The following TJP1 variants were observed in gnomAD, a reference collection of about 807,000 sequenced individuals.
TJP1 encodes tight junction protein 1.
Under a neutral mutation model 194.2 loss-of-function variants are expected in TJP1, and 43 were observed. The observed-to-expected ratio is 0.22, with a 90% CI of 0.17 to 0.29. The LOEUF (loss-of-function observed/expected upper bound fraction) is 0.29. TJP1 is among the 10% of genes least tolerant of loss of function. The probability of loss-of-function intolerance (pLI) is 1.00; values close to 1 mark genes in which losing one functional copy is unlikely to be tolerated. For missense variants in TJP1, 1,971 were observed against 2,185.7 expected, an observed-to-expected ratio of 0.90 and a Z score of 1.96; for synonymous variants, 801 against 779.0, an observed-to-expected ratio of 1.03 and a Z score of -0.47.
chr15:29,752,227 C>T (rs1415212739), intron 8 of TJP1, among the ~76,000 whole-genome samples: 1 of 151,940 alleles, frequency 6.6e-6, no homozygotes, highest in African/African-American at 2.4e-5. Context: ...CTCAGCCTTC[C>T]GAGTAGCTGG....
chr15:29,810,784 G>C (rs1390164200), intron 1 of TJP1, among the ~76,000 whole-genome samples: 2 of 152,162 alleles, frequency 1.3e-5, no homozygotes, highest in African/African-American at 4.8e-5. Flanking sequence ...GAAAGATGGA[G>C]GTGGCAAGGT....
chr15:29,759,636 C>G (rs2045870082), intron 8 of TJP1: 2 of 152,396 alleles, frequency 1.3e-5, no homozygotes, highest in Middle Eastern at 3.4e-3. Flanking sequence ...CTCCCCACCC[C>G]TAACCCCTGG....
intron 2 of TJP1, among the ~76,000 whole-genome samples, chr15:29,917,352 T>C (rs1378760711): frequency 6.6e-6 from 1 of 152,204 alleles, no homozygotes; most frequent in East Asian, 1.9e-4. Flanking sequence ...CTCACTACTA[T>C]TAAAAATACC....
rs575438439 is a variant in TJP1, at chr15:29,784,537, C to T, written c.85-11180G>A. On this transcript the variant is annotated intron_variant, in intron 2 of 27. Coordinates refer to ENST00000614355, the MANE Select transcript of TJP1 (RefSeq NM_001330239.4). ...CAGGCTTGTCTCGAACTCCTGACCT[C>T]AGGTGATCCATCCCCGGCTTCCAAA... 5.9e-5 allele frequency among the ~76,000 whole-genome samples: 9 copies of T among 152,226 alleles called. No individual in the cohort carries two copies. In the South Asian group the frequency reaches 8.3e-4, roughly 14 times the overall value.
chr15:29,732,493 T>C lies in TJP1; in HGVS notation c.1957A>G (p.Ile653Val). ...FLRPVTIFGP[I>V]ADVAREKLAR... ...AGCTTTTCTCTGGCAACATCAGCTA[T>C]TGGTCCAAAAATGGTTACAGGCCTC... The change falls in exon 15 of 28, where the codon ATA becomes GTA. Residue 653 changes from isoleucine to valine, a missense_variant. Ile to Val is a conservative substitution (Grantham distance 29). Coordinates refer to ENST00000614355, the MANE Select transcript of TJP1 (RefSeq NM_001330239.4). The C allele has an allele frequency of 1.2e-6, 2 of 1,614,122 alleles. No homozygotes were observed. Among genetic ancestry groups the C allele is most frequent in the Non-Finnish European group, 8.5e-7 (1 of 1,180,020 alleles).
intron 2 of TJP1, among the ~76,000 whole-genome samples, chr15:29,829,790 A>G (rs1413673590): frequency 6.6e-6 from 1 of 152,174 alleles, no homozygotes; most frequent in East Asian, 1.9e-4. Context: ...AGAACTTGCT[A>G]AAACACTGCA....
chr15:29,815,549 C>T (rs1176398748), intron 1 of TJP1, among the ~76,000 whole-genome samples: 1 of 152,234 alleles, frequency 6.6e-6, no homozygotes, highest in Non-Finnish European at 1.5e-5. Context: ...ATACACAATG[C>T]TGAGCACGTG....
intron 2 of TJP1, among the ~76,000 whole-genome samples, chr15:29,921,808 T>A (rs2054368767): frequency 6.6e-6 from 1 of 152,074 alleles, no homozygotes; most frequent in South Asian, 2.1e-4. Context: ...GTCTGGCATA[T>A]TTGCTTCATT....
chr15:29,821,043 T>G (rs1166701577), intron 1 of TJP1, among the ~76,000 whole-genome samples: 1 of 152,184 alleles, frequency 6.6e-6, no homozygotes, highest in African/African-American at 2.4e-5. Flanking sequence ...AAGTAATGAA[T>G]TGATATTCTT....
chr15:29,831,754 C>T (rs1310694920), intron 2 of TJP1, among the ~76,000 whole-genome samples: 1 of 152,070 alleles, frequency 6.6e-6, no homozygotes, highest in East Asian at 1.9e-4. Flanking sequence ...GGAAGGGACC[C>T]CTTTTTAGGA....
intron 2 of TJP1, among the ~76,000 whole-genome samples, chr15:29,922,481 G>T (rs2054397266): frequency 6.6e-6 from 1 of 152,238 alleles, no homozygotes; most frequent in East Asian, 1.9e-4. Context: ...AAACATTTTT[G>T]TAAAGGGCTA....
At chr15:29,769,610 T>G (rs576054957) in intron 4 of TJP1, among the ~76,000 whole-genome samples, 2 of 152,130 alleles carry the variant, frequency 1.3e-5, no homozygotes, top group Admixed American at 1.3e-4. Flanking sequence ...TACACAGTCA[T>G]GCACCATGTA....
intron 8 of TJP1, among the ~76,000 whole-genome samples, chr15:29,748,485 G>A (rs1471802935): frequency 6.7e-6 from 1 of 148,466 alleles, no homozygotes; most frequent in Non-Finnish European, 1.5e-5. Context: ...CATGAAATTA[G>A]TCAACAATCA....
chr15:29,753,626 T>A (rs937102287), intron 8 of TJP1, among the ~76,000 whole-genome samples: 4 of 151,998 alleles, frequency 2.6e-5, no homozygotes, highest in African/African-American at 9.7e-5. Context: ...TCTTTCAACC[T>A]TCACTACAGA....
chr15:29,805,782 T>G (rs2049073833), intron 1 of TJP1, among the ~76,000 whole-genome samples: 1 of 152,206 alleles, frequency 6.6e-6, no homozygotes, highest in South Asian at 2.1e-4. Context: ...GCAAAAGGAC[T>G]GTGTCTGCTG....
chr15:29,703,610 G>GTT, intron 27 of TJP1, among the ~76,000 whole-genome samples: 1 of 151,922 alleles, frequency 6.6e-6, no homozygotes, highest in East Asian at 1.9e-4. Context: ...TCATTTTTCT[G>GTT]AACACCAAGA....
chr15:29,789,801 C>A (rs1330291011), intron 2 of TJP1, among the ~76,000 whole-genome samples: 2 of 152,192 alleles, frequency 1.3e-5, no homozygotes, highest in Admixed American at 1.3e-4. Context: ...TTCAAATTAT[C>A]CCCTTCACTT....
At chr15:29,768,865 T>G (rs1439874784) in intron 4 of TJP1, among the ~76,000 whole-genome samples, 1 of 152,198 alleles carries the variant, frequency 6.6e-6, no homozygotes, top group African/African-American at 2.4e-5. Context: ...CAAAATAGTT[T>G]AGCTTAACTA....
intron 1 of TJP1, among the ~76,000 whole-genome samples, chr15:29,812,435 G>T (rs2049588658): frequency 1.3e-5 from 2 of 152,212 alleles, no homozygotes; most frequent in Admixed American, 1.3e-4. Context: ...AAAACTGGGA[G>T]ATCTGGCCTG....
Sources: gnomAD v4.1 joint callset for allele counts (sites outside exome capture counted in the v4.1 genomes callset) on GRCh38, gnomAD v4.1.1 for gene constraint, MANE v1.5 for transcripts, NCBI Gene and HGNC (gene_info 2026-07-23, HGNC 2026-07-21) for gene names.